TRPS1: variants seen among roughly 807,000 people sequenced by gnomAD.
TRPS1 encodes the protein zinc finger transcription factor Trps1.
TRPS1 carries 6 observed loss-of-function variants against 101.2 expected under a neutral mutation model. The observed-to-expected ratio is 0.06, with a 90% CI of 0.03 to 0.12. The LOEUF is 0.12. Ranked by LOEUF, TRPS1 falls within the 10% of genes least tolerant of loss-of-function variation. The pLI, the probability that TRPS1 is intolerant of heterozygous loss-of-function variation, is 1.00. For synonymous variants in TRPS1, 578 were observed against 589.8 expected (o/e 0.98, Z 0.29); for missense variants, 1,363 against 1,567.0 (o/e 0.87, Z 2.20).
intron 5 of TRPS1, among the ~76,000 whole-genome samples, chr8:115,499,915 A>ATTTCTTTCTTTCTTTC (rs373053040): frequency 1.5e-3 from 203 of 134,868 alleles, no homozygotes; most frequent in African/African-American, 1.8e-3. Context: ...AAAGTGCTAA[A>ATTTCTTTCTTTCTTTC]TTTCTTTCTT....
intron 5 of TRPS1, among the ~76,000 whole-genome samples, chr8:115,572,180 A>C (rs546848009): frequency 2.0e-5 from 3 of 152,298 alleles, no homozygotes; most frequent in East Asian, 3.9e-4. Context: ...ACATACCCAG[A>C]GGATCTTAAA....
intron 1 of TRPS1, among the ~76,000 whole-genome samples, chr8:115,650,015 A>G (rs1008417506): frequency 3.9e-5 from 6 of 152,168 alleles, no homozygotes; most frequent in Non-Finnish European, 7.4e-5. Flanking sequence ...GAGCTGGACA[A>G]TCATATCAGG....
intron 5 of TRPS1, among the ~76,000 whole-genome samples, chr8:115,432,437 A>C (rs1437495677): frequency 6.6e-6 from 1 of 151,346 alleles, no homozygotes; most frequent in Non-Finnish European, 1.5e-5. Context: ...ACTTGTGTAG[A>C]TATACACACA....
chr8:115,658,584 A>G (rs1485174100), intron 1 of TRPS1, among the ~76,000 whole-genome samples: 2 of 152,146 alleles, frequency 1.3e-5, no homozygotes, highest in Admixed American at 1.3e-4. Context: ...AGCTCTAATC[A>G]TTATTACTCT....
chr8:115,603,674 A>G (rs1817958997), intron 4 of TRPS1, among the ~76,000 whole-genome samples, 199 bp downstream of exon 4: 1 of 152,196 alleles, frequency 6.6e-6, no homozygotes, highest in Non-Finnish European at 1.5e-5. Context: ...AAAAGAAGGA[A>G]CCAAATTAAA....
chr8:115,437,721 C>A lies in TRPS1; in HGVS notation c.2701-19269G>T, dbSNP rs185869944. Among the ~76,000 whole-genome samples the A allele has an allele frequency of 9.0e-4, 137 of 152,182 alleles. 3 individuals carry two copies. Among genetic ancestry groups the A allele is most frequent in the Admixed American group, 8.4e-3 (129 of 15,268 alleles). ...GGATTGGGGGGGCAGGGGAAAGGTA[C>A]CATTTCCAGTACTATGTCTAGCCCT... On this transcript the variant is annotated intron_variant, in intron 5 of 6. Transcript: ENST00000395715.
chr8:115,653,696 A>G (rs566440947), intron 1 of TRPS1, among the ~76,000 whole-genome samples: 2 of 152,304 alleles, frequency 1.3e-5, no homozygotes, highest in South Asian at 4.1e-4. Context: ...AACAAAAAAG[A>G]CAAGGCTGCC....
At chr8:115,658,505 A>T (rs1208038487) in intron 1 of TRPS1, among the ~76,000 whole-genome samples, 1 of 151,834 alleles carries the variant, frequency 6.6e-6, no homozygotes, top group African/African-American at 2.4e-5. Context: ...CTTTTAAAGA[A>T]GGAACTGAAA....
At chr8:115,441,073 T>C (rs1259919293) in intron 5 of TRPS1, among the ~76,000 whole-genome samples, 5 of 152,210 alleles carry the variant, frequency 3.3e-5, no homozygotes, top group African/African-American at 1.2e-4. Flanking sequence ...CAAACTTCTA[T>C]CTCCATGAAG....
At chr8:115,546,620 G>A (rs541614040) in intron 5 of TRPS1, among the ~76,000 whole-genome samples, 73 of 99,856 alleles carry the variant, frequency 7.3e-4, no homozygotes, top group African/African-American at 2.3e-3. Flanking sequence ...ACAGAGCCAC[G>A]GAGGTTTTAG....
At chr8:115,462,526 A>G (rs1242951284) in intron 5 of TRPS1, among the ~76,000 whole-genome samples, 2 of 152,168 alleles carry the variant, frequency 1.3e-5, no homozygotes, top group African/African-American at 2.4e-5. Context: ...CTTAGAGGAC[A>G]TCCGACACAT....
At chr8:115,477,516 C>G (rs1017227960) in intron 5 of TRPS1, among the ~76,000 whole-genome samples, 6 of 152,182 alleles carry the variant, frequency 3.9e-5, no homozygotes, top group Non-Finnish European at 7.4e-5. Context: ...ATTAGAAACT[C>G]CAACAGAAGA....
chr8:115,567,622 A>G (rs940801028), intron 5 of TRPS1, among the ~76,000 whole-genome samples: 1 of 152,166 alleles, frequency 6.6e-6, no homozygotes, highest in Non-Finnish European at 1.5e-5. Context: ...AAATAGCTTG[A>G]TAACATAAAA....
chr8:115,481,949 T>C (rs190737100), intron 5 of TRPS1, among the ~76,000 whole-genome samples: 1 of 152,164 alleles, frequency 6.6e-6, no homozygotes, highest in Non-Finnish European at 1.5e-5. Flanking sequence ...GACAGTATAA[T>C]GGTACAAATG....
chr8:115,586,392 T>C (rs149970948), intron 5 of TRPS1, among the ~76,000 whole-genome samples: 1 of 152,326 alleles, frequency 6.6e-6, no homozygotes, highest in East Asian at 1.9e-4. Flanking sequence ...ATCCTGTTCA[T>C]ATCAAATGCA....
intron 1 of TRPS1, among the ~76,000 whole-genome samples, chr8:115,662,951 C>A (rs1359583077): frequency 6.6e-6 from 1 of 152,054 alleles, no homozygotes; most frequent in South Asian, 2.1e-4. Context: ...TAAACATATT[C>A]TTTGACCTGT....
chr8:115,569,517 T>C (rs536154694), intron 5 of TRPS1, among the ~76,000 whole-genome samples: 1 of 152,286 alleles, frequency 6.6e-6, no homozygotes, highest in African/African-American at 2.4e-5. Context: ...AAACATCATA[T>C]GCATTCCTGA....
chr8:115,602,903 G>A (rs1331529834), intron 4 of TRPS1, among the ~76,000 whole-genome samples: 1 of 152,036 alleles, frequency 6.6e-6, no homozygotes, highest in Non-Finnish European at 1.5e-5. Context: ...TCCTTCCCGA[G>A]GAAGTAATTT....
chr8:115,527,065 C>T (rs1399128326), intron 5 of TRPS1, among the ~76,000 whole-genome samples: 1 of 152,064 alleles, frequency 6.6e-6, no homozygotes, highest in Non-Finnish European at 1.5e-5. Context: ...TACAAGTTTT[C>T]CAGGGGATAT....
Sources: allele counts gnomAD v4.1 joint callset (sites outside exome capture counted in the v4.1 genomes callset), GRCh38; gene constraint gnomAD v4.1.1; transcripts MANE v1.5; gene names NCBI Gene and HGNC (gene_info 2026-07-23, HGNC 2026-07-21).